The following MAPKAP1 variants were observed in gnomAD, a reference collection of about 807,000 sequenced individuals.
MAPKAP1 encodes the protein target of rapamycin complex 2 subunit MAPKAP1.
A neutral mutation model predicts 65.7 loss-of-function variants in MAPKAP1; 20 were observed. The observed-to-expected ratio is 0.30, with a 90% CI of 0.21 to 0.44. MAPKAP1 has a LOEUF of 0.44. Ranked by LOEUF, MAPKAP1 falls within the 20% of genes least tolerant of loss-of-function variation. MAPKAP1 has a pLI of 1.00. For missense variants in MAPKAP1, 423 were observed against 648.0 expected, an observed-to-expected ratio of 0.65 and a Z score of 3.77; for synonymous variants, 222 against 244.3, an observed-to-expected ratio of 0.91 and a Z score of 0.85.
At chr9:125,563,881 T>C (rs964708468) in intron 5 of MAPKAP1, among the ~76,000 whole-genome samples, 5 of 152,046 alleles carry the variant, frequency 3.3e-5, no homozygotes, top group Non-Finnish European at 7.4e-5. Context: ...CCTGGCTAAT[T>C]TTTGTATTTT....
intron 2 of MAPKAP1, 69 bp downstream of exon 2, chr9:125,672,247 T>C: frequency 6.5e-7 from 1 of 1,540,092 alleles, no homozygotes; most frequent in Non-Finnish European, 8.9e-7. Context: ...ATTCCAATAT[T>C]ATGCATTATT....
At chr9:125,671,170 C>T (rs1834486803) in intron 2 of MAPKAP1, among the ~76,000 whole-genome samples, 1 of 152,190 alleles carries the variant, frequency 6.6e-6, no homozygotes, top group African/African-American at 2.4e-5. Flanking sequence ...AAGTCAGTTT[C>T]AACTAGAGAA....
intron 7 of MAPKAP1, among the ~76,000 whole-genome samples, chr9:125,538,788 C>G (rs1397312705): frequency 6.6e-6 from 1 of 152,146 alleles, no homozygotes; most frequent in East Asian, 1.9e-4. Context: ...TATGTATACT[C>G]TTGCTCTAGA....
intron 3 of MAPKAP1, among the ~76,000 whole-genome samples, chr9:125,664,289 G>C (rs761171768): frequency 1.3e-5 from 2 of 152,064 alleles, no homozygotes; most frequent in African/African-American, 2.4e-5. Context: ...AAAGGTTGCA[G>C]TGAGCCGAGA....
chr9:125,562,780 T>C (rs1041701867), intron 5 of MAPKAP1, among the ~76,000 whole-genome samples: 3 of 152,256 alleles, frequency 2.0e-5, no homozygotes, highest in South Asian at 2.1e-4. Flanking sequence ...TTTATATTTC[T>C]ATTTTACAAA....
At chr9:125,569,185 T>C (rs1359637637) in intron 5 of MAPKAP1, among the ~76,000 whole-genome samples, 2 of 152,256 alleles carry the variant, frequency 1.3e-5, no homozygotes. Flanking sequence ...CTTGGGGGCT[T>C]GACCTTTTAA....
chr9:125,599,950 A>G (rs1832253989), intron 4 of MAPKAP1: 1 of 152,192 alleles, frequency 6.6e-6, no homozygotes, highest in African/African-American at 2.4e-5. Flanking sequence ...GTAAATCTTT[A>G]GTCCTGGACT....
chr9:125,635,226 A>C (rs1271660313), intron 4 of MAPKAP1, among the ~76,000 whole-genome samples: 1 of 152,242 alleles, frequency 6.6e-6, no homozygotes, highest in Non-Finnish European at 1.5e-5. Flanking sequence ...TTAAACGTCT[A>C]CACCAACAGT....
intron 10 of MAPKAP1, among the ~76,000 whole-genome samples, chr9:125,461,472 G>A (rs980767649): frequency 6.6e-6 from 1 of 152,194 alleles, no homozygotes; most frequent in African/African-American, 2.4e-5. Flanking sequence ...CAGGCCCAAG[G>A]AGAGGTGCAT....
intron 8 of MAPKAP1, among the ~76,000 whole-genome samples, chr9:125,495,185 A>G (rs1854896770): frequency 6.6e-6 from 1 of 152,204 alleles, no homozygotes; most frequent in South Asian, 2.1e-4. Context: ...CAAAATATCT[A>G]AGAACTGTAA....
chr9:125,544,490 C>G (rs954309727), intron 6 of MAPKAP1, among the ~76,000 whole-genome samples: 1 of 152,104 alleles, frequency 6.6e-6, no homozygotes, highest in Admixed American at 6.5e-5. Context: ...AAAAAAACCG[C>G]TAAGGAACAA....
At chr9:125,676,048 G>A (rs983855921) in intron 1 of MAPKAP1, among the ~76,000 whole-genome samples, 3 of 151,982 alleles carry the variant, frequency 2.0e-5, no homozygotes, top group African/African-American at 4.8e-5. Context: ...TACATATCAC[G>A]GATAAAAACA....
chr9:125,583,204 A>G (rs1248821181), intron 5 of MAPKAP1, among the ~76,000 whole-genome samples: 4 of 152,210 alleles, frequency 2.6e-5, no homozygotes, highest in Admixed American at 1.3e-4. Flanking sequence ...TATCATAACC[A>G]TGCTTTTCCC....
chr9:125,454,515 T>G (rs1466519267), intron 10 of MAPKAP1, among the ~76,000 whole-genome samples: 6 of 152,250 alleles, frequency 3.9e-5, no homozygotes, highest in African/African-American at 1.2e-4. Context: ...ACCTTCCTTC[T>G]GCATTAGAGT....
intron 4 of MAPKAP1, among the ~76,000 whole-genome samples, chr9:125,591,268 T>C (rs932386028): frequency 3.9e-5 from 6 of 152,192 alleles, no homozygotes; most frequent in African/African-American, 1.2e-4. Context: ...CTTCAAGGCT[T>C]GAAAATCGTC....
chr9:125,673,685 C>T lies in MAPKAP1; in HGVS notation c.-69-1042G>A, dbSNP rs972484448. ...CTGTACTCTCAACCCTTTGGGGGGCCGAGGCAGGAGGACTGCTTGAGTCCA... is the reference window on the plus strand; with the variant it reads ...CTGTACTCTCAACCCTTTGGGGGGCTGAGGCAGGAGGACTGCTTGAGTCCA... On this transcript the variant is annotated intron_variant, in intron 1 of 11. Coordinates refer to ENST00000265960, the MANE Select transcript of MAPKAP1 (RefSeq NM_001006617.3). Among the ~76,000 whole-genome samples the T allele has an allele frequency of 7.2e-5, 11 of 151,950 alleles. No homozygotes were observed. The East Asian group carries it at 1.7e-3, about 24-fold the overall frequency.
intron 5 of MAPKAP1, among the ~76,000 whole-genome samples, chr9:125,571,820 G>A (rs939588435): frequency 7.2e-5 from 11 of 152,118 alleles, no homozygotes; most frequent in Admixed American, 2.0e-4. Context: ...CCAAGATCGC[G>A]CCACTGCACT....
At chr9:125,574,664 T>C (rs1446357426) in intron 5 of MAPKAP1, among the ~76,000 whole-genome samples, 2 of 152,228 alleles carry the variant, frequency 1.3e-5, no homozygotes, top group Non-Finnish European at 2.9e-5. Context: ...TATCATAGCA[T>C]AGTAAAATTA....
chr9:125,684,239 A>G (rs1408504317), intron 1 of MAPKAP1, among the ~76,000 whole-genome samples: 1 of 152,202 alleles, frequency 6.6e-6, no homozygotes, highest in Non-Finnish European at 1.5e-5. Context: ...GTAATGGTTC[A>G]AATGGAAGCC....
Sources: allele counts gnomAD v4.1 joint callset (sites outside exome capture counted in the v4.1 genomes callset), GRCh38; gene constraint gnomAD v4.1.1; transcripts MANE v1.5; gene names NCBI Gene and HGNC (gene_info 2026-07-23, HGNC 2026-07-21).